RNF135: variants seen among roughly 807,000 people sequenced by gnomAD.
The protein encoded by RNF135 is ring finger protein 135, also known as E3 ubiquitin-protein ligase RNF135.
RNF135 carries 46 observed loss-of-function variants against 41.9 expected under a neutral mutation model. That is an observed-to-expected ratio of 1.10 (90% confidence interval 0.87 to 1.40). RNF135 has a LOEUF of 1.40. RNF135 is among the 40% of genes most tolerant of loss of function. The probability of loss-of-function intolerance (pLI) is 0.00; values close to 1 mark genes in which losing one functional copy is unlikely to be tolerated. For synonymous variants in RNF135, 238 were observed against 223.8 expected, an observed-to-expected ratio of 1.06 and a Z score of -0.57; for missense variants, 539 against 549.8, an observed-to-expected ratio of 0.98 and a Z score of 0.20.
chr17:30,962,859 G>A, the RNF135 span, among the ~76,000 whole-genome samples: 14 of 152,044 alleles, frequency 9.2e-5, no homozygotes, highest in African/African-American at 2.2e-4. Context: ...AAACTTTCCC[G>A]GTGGCTGTAC....
At chr17:30,977,301 A>G (rs1055431400) in intron 1 of RNF135, among the ~76,000 whole-genome samples, 1 of 152,080 alleles carries the variant, frequency 6.6e-6, no homozygotes, top group Non-Finnish European at 1.5e-5. Flanking sequence ...TATACTATCT[A>G]TATGTTTGAA....
chr17:30,981,169 C>G (rs2142696905), intron 1 of RNF135, among the ~76,000 whole-genome samples: 1 of 149,896 alleles, frequency 6.7e-6, no homozygotes, highest in East Asian at 2.0e-4. Context: ...ACCAGCCCGG[C>G]CAACACAGCG....
At chr17:30,969,478 C>G (rs575917884), upstream of RNF135, 6 of 152,292 alleles carry the variant, frequency 3.9e-5, no homozygotes, top group African/African-American at 1.4e-4. Flanking sequence ...CTCATCTTAG[C>G]CACTCAGTGA....
upstream of RNF135, chr17:30,970,942 G>T: frequency 7.9e-7 from 1 of 1,264,748 alleles, no homozygotes. Context: ...GAGACGGGGT[G>T]GCGCCAAGGA....
chr17:30,964,270 T>C, the RNF135 span, among the ~76,000 whole-genome samples: 1 of 151,312 alleles, frequency 6.6e-6, no homozygotes, highest in African/African-American at 2.4e-5. Context: ...GCACCTGTAA[T>C]CCCAGCTACT....
At chr17:30,959,469 A>G in the RNF135 span, 5 of 152,188 alleles carry the variant, frequency 3.3e-5, no homozygotes, top group Admixed American at 6.5e-5. Context: ...TCTAAAAGAG[A>G]TGATACCTAT....
chr17:30,988,924 C>CTTTTTTTTTTTTTT (rs572603845), intron 3 of RNF135, among the ~76,000 whole-genome samples: 1 of 99,934 alleles, frequency 1.0e-5, no homozygotes. Flanking sequence ...TTCTTTCTTT[C>CTTTTTTTTTTTTTT]TTTTTTTTTT....
chr17:30,988,448 G>A (rs1277847425), intron 3 of RNF135, among the ~76,000 whole-genome samples: 2 of 32,990 alleles, frequency 6.1e-5, no homozygotes, highest in South Asian at 8.3e-4. Flanking sequence ...TTTTTTTTGT[G>A]ATGGAGTCTC....
chr17:30,969,630 A>C (rs1905716696), upstream of RNF135, among the ~76,000 whole-genome samples: 1 of 152,234 alleles, frequency 6.6e-6, no homozygotes, highest in Non-Finnish European at 1.5e-5. Flanking sequence ...GGGAAGTGCC[A>C]GTCCTACCAT....
chr17:30,999,461 C>T lies in RNF135; in HGVS notation c.*270C>T, dbSNP rs1275254318. The T allele has an allele frequency of 2.1e-6, 1 of 469,428 alleles. No individual in the cohort carries two copies. Among genetic ancestry groups the T allele is most frequent in the Middle Eastern group, 6.3e-4 (1 of 1,592 alleles). 29.1% of individuals were successfully genotyped at this position (469,428 alleles called of 1,614,324 possible). A position where few individuals can be genotyped will look rare whatever the true frequency, so the allele number is the denominator to read the frequency against. ...ATCCTTTTGTGTGATACAGGATGAA[C>T]TTGGGATGTTTGAACCCTGGACATT... On this transcript the variant is annotated 3_prime_UTR_variant, in exon 5 of 5. Coordinates refer to ENST00000328381, the MANE Select transcript of RNF135 (RefSeq NM_032322.4).
chr17:30,994,525 C>T (rs1165117320), intron 3 of RNF135, among the ~76,000 whole-genome samples: 3 of 151,882 alleles, frequency 2.0e-5, no homozygotes, highest in Non-Finnish European at 2.9e-5. Flanking sequence ...ACTCCAGCCT[C>T]GGCAACAACA....
In RNF135 at chr17:30,987,932, G is replaced by A. The variant is rs547847982; in HGVS notation, c.517-12G>A. ...ACTTCCATTTATTCAGTTTTAAATG[G>A]TTTATCAATAGGCTTTTTCTTCTGG... On this transcript the variant is annotated splice_polypyrimidine_tract_variant and intron_variant, in intron 2 of 4. Transcript: ENST00000328381. 141 of 1,613,232 alleles carry A rather than the reference G, an allele frequency of 8.7e-5. 2 individuals carry two copies. In the South Asian group the frequency reaches 1.4e-3, roughly 16 times the overall value.
At position 30,973,491 on chromosome 17, in the gene RNF135, G is replaced by T. The variant is rs533294598; in HGVS notation, c.372+2046G>T. On this transcript the variant is annotated intron_variant, in intron 1 of 4. Transcript: ENST00000328381. The stretch of plus-strand genomic sequence containing the variant: ...CTAAGAGTTTTTTTTTTTTTGAAAC[G>T]AGGTCTCGCTCCTTTCCCAGGGATG... Among the ~76,000 whole-genome samples the T allele has an allele frequency of 4.7e-5, 7 of 148,718 alleles. No individual in the cohort carries two copies. The South Asian group carries it at 1.3e-3, about 27-fold the overall frequency.
At chr17:30,992,134 G>A (rs1908032520) in intron 3 of RNF135, among the ~76,000 whole-genome samples, 1 of 151,986 alleles carries the variant, frequency 6.6e-6, no homozygotes. Context: ...GTTTCCCCAT[G>A]TTGGTCAGGC....
intron 3 of RNF135, among the ~76,000 whole-genome samples, chr17:30,988,459 A>G (rs1907754135): frequency 1.8e-5 from 2 of 109,036 alleles, no homozygotes; most frequent in South Asian, 2.8e-4. Flanking sequence ...ATGGAGTCTC[A>G]CTCTGTCGCC....
Position 30,994,144 on chromosome 17 carries a change from G to A in RNF135, c.680-3098G>A, listed in dbSNP as rs560322134. Among the ~76,000 whole-genome samples the A allele has an allele frequency of 3.2e-4, 48 of 152,238 alleles. 1 individual carries two copies. Among genetic ancestry groups the A allele is most frequent in the Admixed American group, 7.2e-4 (11 of 15,276 alleles). ...AACCTATTAACAATAAGTAATAATC[G>A]TATCAGCAAAATAGGAGAACAGTGA... On this transcript the variant is annotated intron_variant, in intron 3 of 4. Transcript: ENST00000328381.
intron 2 of RNF135, among the ~76,000 whole-genome samples, chr17:30,987,088 A>G (rs1308628769): frequency 6.6e-6 from 1 of 152,178 alleles, no homozygotes; most frequent in Non-Finnish European, 1.5e-5. Flanking sequence ...AAAGGGCTGT[A>G]TTGGGGAAGA....
At position 30,974,182 on chromosome 17, in the gene RNF135, T is replaced by A. The variant is rs184321359; in HGVS notation, c.372+2737T>A. 7.8e-4 allele frequency among the ~76,000 whole-genome samples: 119 copies of A among 152,316 alleles called. 1 individual carries two copies. Among genetic ancestry groups the A allele is most frequent in the African/African-American group, 2.8e-3 (118 of 41,574 alleles). The stretch of plus-strand genomic sequence containing the variant: ...TTGTACCACTGCACTCCAGCCTGGG[T>A]AATGGAGTGAGACTCTGTCTCAAAA... On this transcript the variant is annotated intron_variant, in intron 1 of 4. Coordinates refer to ENST00000328381, the MANE Select transcript of RNF135 (RefSeq NM_032322.4).
Position 30,998,887 on chromosome 17 carries a change from G to T in RNF135, c.995G>T (p.Trp332Leu), listed in dbSNP as rs1465118762. 1 of 1,611,882 alleles carries T rather than the reference G, an allele frequency of 6.2e-7. No homozygotes were observed. The change falls in exon 5 of 5, where the codon TGG (tryptophan) becomes TTG (leucine). Residue 332 changes from tryptophan (W) to leucine (L), a missense_variant. Physicochemically the swap from Trp to Leu is moderately conservative, Grantham distance 61. This residue lies in a region of RNF135 where 262 missense variants were observed against 336.9 expected (regional missense o/e 0.78). Coordinates refer to ENST00000328381, the MANE Select transcript of RNF135 (RefSeq NM_032322.4). The stretch of plus-strand genomic sequence containing the variant: ...CACTGGGCAGTTGGGGTGGCTTCCT[G>T]GGAGATGAGCCGCGACCAGGTCCTG... ...CSHWAVGVAS[W>L]EMSRDQVLGR... is the part of the protein sequence containing the mutation.
Sources: gnomAD v4.1 joint callset for allele counts (sites outside exome capture counted in the v4.1 genomes callset) on GRCh38, gnomAD v4.1.1 for gene constraint, gnomAD v4.1.1 regional missense constraint, MANE v1.5 for transcripts, NCBI Gene and HGNC (gene_info 2026-07-23, HGNC 2026-07-21) for gene names.